SLC24A2: variants seen among roughly 807,000 people sequenced by gnomAD.
SLC24A2 encodes the protein solute carrier family 24 member 2.
Under a neutral mutation model 62.0 loss-of-function variants are expected in SLC24A2, and 36 were observed. That is an observed-to-expected ratio of 0.58 (90% CI 0.44 to 0.77). SLC24A2 has a LOEUF of 0.77. SLC24A2 is among the 30% of genes least tolerant of loss of function. SLC24A2 has a pLI of 0.00. For missense variants in SLC24A2, 846 were observed against 817.9 expected (o/e 1.03, Z -0.42); for synonymous variants, 358 against 294.0 (o/e 1.22, Z -2.23).
intron 8 of SLC24A2, among the ~76,000 whole-genome samples, chr9:19,536,687 C>A (rs1388495512): frequency 2.9e-5 from 1 of 34,772 alleles, no homozygotes; most frequent in Non-Finnish European, 5.1e-5. Context: ...TTTATAGCAG[C>A]ATGATTTATA....
At chr9:19,717,057 G>A (rs569242650) in intron 2 of SLC24A2, among the ~76,000 whole-genome samples, 1 of 152,288 alleles carries the variant, frequency 6.6e-6, no homozygotes, top group East Asian at 1.9e-4. Flanking sequence ...CTGAGTTCTG[G>A]ATAATGAACT....
At chr9:19,543,695 G>A (rs1240431887) in intron 8 of SLC24A2, among the ~76,000 whole-genome samples, 1 of 152,136 alleles carries the variant, frequency 6.6e-6, no homozygotes, top group African/African-American at 2.4e-5. Flanking sequence ...TTACCCAGTA[G>A]TCATTCAGGA....
chr9:19,778,885 A>G (rs1822924508), intron 2 of SLC24A2, among the ~76,000 whole-genome samples: 2 of 152,268 alleles, frequency 1.3e-5, no homozygotes, highest in African/African-American at 4.8e-5. Context: ...AAATAAATAT[A>G]CTTAACATGT....
At chr9:20,192,697 C>A in the SLC24A2 span, among the ~76,000 whole-genome samples, 12 of 152,230 alleles carry the variant, frequency 7.9e-5, no homozygotes, top group South Asian at 2.5e-3. Context: ...ATTCCTGATA[C>A]GGGGGCTGCT....
At chr9:20,305,789 G>A in the SLC24A2 span, among the ~76,000 whole-genome samples, 13 of 152,162 alleles carry the variant, frequency 8.5e-5, no homozygotes, top group African/African-American at 2.9e-4. Flanking sequence ...TGCCAGGGTT[G>A]CCTTAACAAA....
chr9:19,746,796 C>A (rs1451647496), intron 2 of SLC24A2, among the ~76,000 whole-genome samples: 1 of 152,106 alleles, frequency 6.6e-6, no homozygotes, highest in Non-Finnish European at 1.5e-5. Context: ...TCACACTTAT[C>A]TTGTTGATTT....
the SLC24A2 span, among the ~76,000 whole-genome samples, chr9:20,286,792 C>T: frequency 6.6e-6 from 1 of 152,164 alleles, no homozygotes; most frequent in Non-Finnish European, 1.5e-5. Flanking sequence ...CAGGACTCTC[C>T]TGAACAAAGT....
chr9:20,222,553 C>G, the SLC24A2 span, among the ~76,000 whole-genome samples: 22 of 152,044 alleles, frequency 1.4e-4, no homozygotes, highest in Admixed American at 1.2e-3. Flanking sequence ...ACTAGACAAA[C>G]TGTTAAAAGA....
intron 8 of SLC24A2, among the ~76,000 whole-genome samples, chr9:19,542,966 G>C (rs1398283904): frequency 6.6e-6 from 1 of 152,172 alleles, no homozygotes; most frequent in African/African-American, 2.4e-5. Context: ...GAGTTAGGGA[G>C]GATCCCCTCT....
chr9:19,988,903 C>T, the SLC24A2 span, among the ~76,000 whole-genome samples: 3 of 152,118 alleles, frequency 2.0e-5, no homozygotes, highest in African/African-American at 4.8e-5. Flanking sequence ...CTTTAGTTTT[C>T]ACCATAGGCT....
At chr9:20,105,998 A>C in the SLC24A2 span, among the ~76,000 whole-genome samples, 7 of 152,316 alleles carry the variant, frequency 4.6e-5, no homozygotes, top group African/African-American at 1.7e-4. Flanking sequence ...AGACGCAATA[A>C]AAAATGATAA....
chr9:19,874,375 G>C, the SLC24A2 span, among the ~76,000 whole-genome samples: 2 of 152,076 alleles, frequency 1.3e-5, no homozygotes, highest in Non-Finnish European at 2.9e-5. Flanking sequence ...GCCCAGAAAA[G>C]ATAATATCTC....
chr9:20,089,254 T>A, the SLC24A2 span, among the ~76,000 whole-genome samples: 1 of 152,042 alleles, frequency 6.6e-6, no homozygotes, highest in South Asian at 2.1e-4. Flanking sequence ...ACCAGATTGT[T>A]CTCCATACAG....
At chr9:20,066,170 G>A in the SLC24A2 span, among the ~76,000 whole-genome samples, 3 of 152,104 alleles carry the variant, frequency 2.0e-5, no homozygotes, top group Non-Finnish European at 2.9e-5. Flanking sequence ...TAGACAATTT[G>A]CTTTATTGTG....
the SLC24A2 span, among the ~76,000 whole-genome samples, chr9:20,231,144 G>C: frequency 6.6e-6 from 1 of 152,258 alleles, no homozygotes; most frequent in East Asian, 1.9e-4. Context: ...TAGCCTTGTA[G>C]TATACTTTGA....
Position 19,512,461 on chromosome 9 carries a change from C to G in SLC24A2, c.*3692G>C, listed in dbSNP as rs965374912. On this transcript the variant is annotated 3_prime_UTR_variant, in exon 11 of 11. Transcript: ENST00000341998. ...CTTAGTCCCTGCATATATCATTGCTCTGTCACTGCCTGACTCAGTTTAGGT... is the reference window on the plus strand; with the variant it reads ...CTTAGTCCCTGCATATATCATTGCTGTGTCACTGCCTGACTCAGTTTAGGT... 1 of 152,266 alleles carries G rather than the reference C, an allele frequency of 6.6e-6. No homozygotes were observed. The highest frequency in any genetic ancestry group is 1.5e-5 in the Non-Finnish European group (1 of 68,072). The allele number at this position is 152,266 out of a possible 1,614,324, so 9.4% of individuals were successfully genotyped here.
At chr9:19,546,769 G>A (rs890412192) in intron 8 of SLC24A2, among the ~76,000 whole-genome samples, 4 of 152,024 alleles carry the variant, frequency 2.6e-5, no homozygotes, top group Non-Finnish European at 4.4e-5. Flanking sequence ...CCTGCAGCTA[G>A]CTCAGGGTCT....
chr9:20,172,979 C>T, the SLC24A2 span, among the ~76,000 whole-genome samples: 1 of 152,030 alleles, frequency 6.6e-6, no homozygotes, highest in Non-Finnish European at 1.5e-5. Context: ...AAAAGATAAT[C>T]CACCACGATC....
chr9:20,137,075 T>C, the SLC24A2 span, among the ~76,000 whole-genome samples: 1 of 152,092 alleles, frequency 6.6e-6, no homozygotes, highest in African/African-American at 2.4e-5. Flanking sequence ...GTGAGGCACA[T>C]AGTAAGTATG....
Sources: allele counts gnomAD v4.1 joint callset (sites outside exome capture counted in the v4.1 genomes callset), GRCh38; gene constraint gnomAD v4.1.1; transcripts MANE v1.5; gene names NCBI Gene and HGNC (gene_info 2026-07-23, HGNC 2026-07-21).